KCNA3: variants seen among roughly 807,000 people sequenced by gnomAD.
KCNA3 encodes potassium voltage-gated channel subfamily A member 3.
A neutral mutation model predicts 34.3 loss-of-function variants in KCNA3; 18 were observed. The ratio of observed to expected loss-of-function variants is 0.52; its 90% CI spans 0.36 to 0.78. The LOEUF is 0.78. KCNA3 is among the 30% of genes least tolerant of loss of function. The pLI, the probability that KCNA3 is intolerant of heterozygous loss-of-function variation, is 0.00. For missense variants in KCNA3, 587 were observed against 802.5 expected (o/e 0.73, Z 3.24); for synonymous variants, 324 against 351.7 (o/e 0.92, Z 0.88).
the KCNA3 span, among the ~76,000 whole-genome samples, chr1:110,664,443 G>A: frequency 4.6e-5 from 7 of 152,262 alleles, no homozygotes; most frequent in East Asian, 3.9e-4. Flanking sequence ...GCTGGAGCAT[G>A]TTTTCGCAAA....
At chr1:110,670,409 A>G (rs1651845231), downstream of KCNA3, among the ~76,000 whole-genome samples, 1 of 152,232 alleles carries the variant, frequency 6.6e-6, no homozygotes, top group Non-Finnish European at 1.5e-5. Context: ...CTGCCATTTA[A>G]TAACCATAAG....
chr1:110,668,651 G>A (rs558522147), downstream of KCNA3, among the ~76,000 whole-genome samples: 1 of 152,214 alleles, frequency 6.6e-6, no homozygotes, highest in African/African-American at 2.4e-5. Context: ...CACAGTTGGT[G>A]TATCATGTCA....
At chr1:110,669,120 G>T (rs935978993), downstream of KCNA3, among the ~76,000 whole-genome samples, 4 of 152,146 alleles carry the variant, frequency 2.6e-5, no homozygotes, top group Non-Finnish European at 4.4e-5. Context: ...ATCTCATTCT[G>T]CTTTTAATAC....
the KCNA3 span, among the ~76,000 whole-genome samples, chr1:110,658,285 G>A: frequency 2.0e-5 from 3 of 152,172 alleles, no homozygotes; most frequent in South Asian, 2.1e-4. Context: ...TCTTGGCTTT[G>A]CTACTGAAAT....
At chr1:110,661,814 C>T in the KCNA3 span, among the ~76,000 whole-genome samples, 2 of 151,920 alleles carry the variant, frequency 1.3e-5, no homozygotes, top group East Asian at 1.9e-4. Flanking sequence ...TCAGGATAAT[C>T]ATCATAATGT....
At chr1:110,663,591 C>A in the KCNA3 span, among the ~76,000 whole-genome samples, 1 of 152,176 alleles carries the variant, frequency 6.6e-6, no homozygotes, top group African/African-American at 2.4e-5. Context: ...AGCCTCATTT[C>A]CTACTGCAGA....
the KCNA3 span, among the ~76,000 whole-genome samples, chr1:110,664,652 G>C: frequency 7.2e-5 from 11 of 152,186 alleles, no homozygotes; most frequent in African/African-American, 2.7e-4. Flanking sequence ...GGCACCAACT[G>C]TATTTCAGGT....
At chr1:110,659,178 A>G in the KCNA3 span, among the ~76,000 whole-genome samples, 8 of 24,392 alleles carry the variant, frequency 3.3e-4, no homozygotes, top group Admixed American at 1.4e-3. Flanking sequence ...TACTTAATTG[A>G]AAAAAAAAAC....
Position 110,674,723 on chromosome 1 carries a change from G to C in KCNA3, c.87C>G (p.Ser29Arg), listed in dbSNP as rs746077607. Reference sequence around the variant, plus strand: ...GGTTCACCAGCGTGTGGGCACCGCCGCTGCTCGCTGGGCGCTGAGGAGGGT... The same window carrying C: ...GGTTCACCAGCGTGTGGGCACCGCCCCTGCTCGCTGGGCGCTGAGGAGGGT... ...RAHPPQRPAS[S>R]GGAHTLVNHG... The change falls in exon 1 of 1, where the codon AGC (serine) becomes AGG (arginine). Residue 29 changes from serine to arginine, a missense_variant. Physicochemically the swap from Ser to Arg is moderately radical, Grantham distance 110 (BLOSUM62 -1). Coordinates refer to ENST00000369769, the MANE Select transcript of KCNA3 (RefSeq NM_002232.5). This position sits in a 1 kb window ranked among gnomAD's most constrained non-coding sequence, Gnocchi z 6.4. The C allele has an allele frequency of 2.8e-6, 4 of 1,450,128 alleles. No individual in the cohort carries two copies. The East Asian group carries it at 1.1e-4, about 41-fold the overall frequency. 89.8% of individuals were successfully genotyped at this position (1,450,128 alleles called of 1,614,324 possible).
Position 110,673,610 on chromosome 1 carries a change from C to T in KCNA3, c.1200G>A (p.Leu400=), listed in dbSNP as rs1483070925. Reference sequence around the variant, plus strand: ...CCCCAATAAAGAGGAAGAAGATGAGCAATCCCAGCTCCCGCATGGACGCCT... The same window carrying T: ...CCCCAATAAAGAGGAAGAAGATGAGTAATCCCAGCTCCCGCATGGACGCCT... The part of the protein sequence containing the change: ...TLKASMRELG[L]LIFFLFIGVI... The change falls in exon 1 of 1, where the codon TTG becomes TTA. Residue 400 remains leucine (L), a synonymous_variant. Transcript: ENST00000369769. The surrounding 1 kb of genome is among the most constrained non-coding windows in gnomAD (Gnocchi z 8.8). 6.2e-7 allele frequency: 1 copy of T among 1,614,084 alleles called. No homozygotes were observed. The highest frequency in any genetic ancestry group is 1.3e-5 in the African/African-American group (1 of 74,934).
the KCNA3 span, among the ~76,000 whole-genome samples, chr1:110,661,395 T>G: frequency 6.6e-6 from 1 of 152,230 alleles, no homozygotes; most frequent in Non-Finnish European, 1.5e-5. Context: ...TTAAAAGTCT[T>G]AACGCTGATT....
At chr1:110,664,602 T>C in the KCNA3 span, among the ~76,000 whole-genome samples, 1 of 152,156 alleles carries the variant, frequency 6.6e-6, no homozygotes, top group Non-Finnish European at 1.5e-5. Flanking sequence ...TGGAAGGCAA[T>C]TTCCTTCCTC....
At position 110,672,827 on chromosome 1, in the gene KCNA3, G is replaced by T; in HGVS notation, c.*255C>A. The T allele has an allele frequency of 9.6e-6, 4 of 416,008 alleles. No homozygotes were observed. The highest frequency in any genetic ancestry group is 5.7e-5 in the South Asian group (1 of 17,674). 25.8% of individuals were successfully genotyped at this position (416,008 alleles called of 1,614,324 possible). A position where few individuals can be genotyped will look rare whatever the true frequency, so the allele number is the denominator to read the frequency against. Reference sequence around the variant, plus strand: ...GCGTGTACTAGAAATGAAGTTTAACGTAAGTCTGTTGTTTACAATGTTAAG... The same window carrying T: ...GCGTGTACTAGAAATGAAGTTTAACTTAAGTCTGTTGTTTACAATGTTAAG... On this transcript the variant is annotated 3_prime_UTR_variant, in exon 1 of 1. Transcript: ENST00000369769.
chr1:110,673,288 G>A lies in KCNA3; in HGVS notation c.1522C>T (p.Leu508Phe), dbSNP rs1461577022. ...CGGAGCTCCTCGGCTGAAGAGGAGA[G>A]GTGCTGGCAACTTCCCACGTGCATG... is the stretch of plus-strand genomic sequence containing the variant. ...QYMHVGSCQH[L>F]SSSAEELRKA... The change falls in exon 1 of 1, where the codon CTC (leucine) becomes TTC (phenylalanine). Residue 508 changes from leucine to phenylalanine, a missense_variant. This residue lies in a region of KCNA3 where 95 missense variants were observed against 107.3 expected (regional missense o/e 0.89). Coordinates refer to ENST00000369769, the MANE Select transcript of KCNA3 (RefSeq NM_002232.5). This position sits in a 1 kb window ranked among gnomAD's most constrained non-coding sequence, Gnocchi z 8.8. 1 of 1,613,896 alleles carries A rather than the reference G, an allele frequency of 6.2e-7. No individual in the cohort carries two copies. The highest frequency in any genetic ancestry group is 8.5e-7 in the Non-Finnish European group (1 of 1,180,010).
Position 110,673,065 on chromosome 1 carries a change from G to A in KCNA3, c.*17C>T. The A allele has an allele frequency of 3.8e-6, 6 of 1,592,548 alleles. No homozygotes were observed. The highest frequency in any genetic ancestry group is 5.1e-6 in the Non-Finnish European group (6 of 1,168,866). The stretch of plus-strand genomic sequence containing the variant: ...TTCCACACAATACTGAGCACAGCAT[G>A]TCACTTGTATCACATATTAAACATC... On this transcript the variant is annotated 3_prime_UTR_variant, in exon 1 of 1. Coordinates refer to ENST00000369769, the MANE Select transcript of KCNA3 (RefSeq NM_002232.5). This position sits in a 1 kb window ranked among gnomAD's most constrained non-coding sequence, Gnocchi z 8.8.
At chr1:110,670,106 A>G (rs1445787630), downstream of KCNA3, among the ~76,000 whole-genome samples, 1 of 152,188 alleles carries the variant, frequency 6.6e-6, no homozygotes, top group East Asian at 1.9e-4. Context: ...AAGATCATAT[A>G]CCAGAGTCAG....
At chr1:110,657,384 A>G in the KCNA3 span, among the ~76,000 whole-genome samples, 1 of 152,108 alleles carries the variant, frequency 6.6e-6, no homozygotes. Context: ...GTGTATAATG[A>G]GAATTTGGGG....
At chr1:110,662,715 G>A in the KCNA3 span, among the ~76,000 whole-genome samples, 2 of 152,112 alleles carry the variant, frequency 1.3e-5, no homozygotes, top group African/African-American at 4.8e-5. Flanking sequence ...ATGTTAAGAT[G>A]TGAGCTTTTA....
At chr1:110,666,403 T>G in the KCNA3 span, among the ~76,000 whole-genome samples, 1 of 151,690 alleles carries the variant, frequency 6.6e-6, no homozygotes, top group Admixed American at 6.6e-5. Context: ...TAGCTTAAGG[T>G]GGAAAGGGAG....
Sources: allele counts gnomAD v4.1 joint callset (sites outside exome capture counted in the v4.1 genomes callset), GRCh38; gene constraint gnomAD v4.1.1; regional missense constraint gnomAD v4.1.1; non-coding constraint Gnocchi (gnomAD v3.1); transcripts MANE v1.5; gene names NCBI Gene and HGNC (gene_info 2026-07-23, HGNC 2026-07-21).